Variants in TTYH2 observed in about 807,000 individuals in gnomAD.
TTYH2 encodes the protein tweety family member 2, also known as protein tweety homolog 2.
Under a neutral mutation model 68.3 loss-of-function variants are expected in TTYH2, and 49 were observed. The observed-to-expected ratio is 0.72, with a 90% CI of 0.57 to 0.91. The LOEUF (loss-of-function observed/expected upper bound fraction) is 0.91. TTYH2 is among the 40% of genes least tolerant of loss of function. The pLI, the probability that TTYH2 is intolerant of heterozygous loss-of-function variation, is 0.00. For missense variants in TTYH2, 631 were observed against 700.4 expected (o/e 0.90, Z 1.12); for synonymous variants, 272 against 300.8 (o/e 0.90, Z 0.99).
At chr17:74,260,091 A>C (rs2143793139) in intron 13 of TTYH2, 38 bp from the exon 14 acceptor site, 1 of 1,589,344 alleles carries the variant, frequency 6.3e-7, no homozygotes, top group Non-Finnish European at 8.6e-7. Flanking sequence ...TGCTTGGCTG[A>C]CTCAGCTCTG....
rs1345718377 is a variant in TTYH2, at chr17:74,253,131, C to T, written c.1310C>T (p.Ala437Val). The T allele has an allele frequency of 6.2e-7, 1 of 1,613,836 alleles. No homozygotes were observed. Among genetic ancestry groups the T allele is most frequent in the Non-Finnish European group, 8.5e-7 (1 of 1,179,946 alleles). Reference sequence around the variant, plus strand: ...GATGATGACCCCTTTAACCCCCAAGCCTGGCGCATGGCGGCTCACAGTCCC... The same window carrying T: ...GATGATGACCCCTTTAACCCCCAAGTCTGGCGCATGGCGGCTCACAGTCCC... Reference protein sequence around the residue: ...IDDDDPFNPQAWRMAAHSPPR... With the variant: ...IDDDDPFNPQVWRMAAHSPPR... Residue 437 changes from alanine to valine, a missense_variant, in exon 12 of 14, where the codon GCC (alanine) becomes GTC (valine). Coordinates refer to ENST00000269346, the MANE Select transcript of TTYH2 (RefSeq NM_032646.6).
At chr17:74,248,678 G>T in intron 6 of TTYH2, 1 of 1,204,288 alleles carries the variant, frequency 8.3e-7, no homozygotes. Context: ...CCAAAGGTCT[G>T]TCCCAGAAGA....
chr17:74,227,659 A>G (rs897235709), intron 2 of TTYH2, among the ~76,000 whole-genome samples: 6 of 152,142 alleles, frequency 3.9e-5, no homozygotes, highest in African/African-American at 1.4e-4. Context: ...GTTGAACCCA[A>G]TGAATATTGA....
In TTYH2 at chr17:74,215,917, G is replaced by C. The variant is rs114545936; in HGVS notation, c.129+2201G>C. Among the ~76,000 whole-genome samples the C allele has an allele frequency of 0.02, 3,097 of 152,314 alleles. 111 individuals are homozygous for C. Among genetic ancestry groups the C allele is most frequent in the African/African-American group, 0.07 (2,910 of 41,550 alleles). ...AAATTGCTGGGGATTTTCTGCGGCTGGGCTCTGGGCGCAGTGCTATGGCAG... is the reference window on the plus strand; with the variant it reads ...AAATTGCTGGGGATTTTCTGCGGCTCGGCTCTGGGCGCAGTGCTATGGCAG... On this transcript the variant is annotated intron_variant, in intron 1 of 13. Coordinates refer to ENST00000269346, the MANE Select transcript of TTYH2 (RefSeq NM_032646.6). This position sits in a 1 kb window ranked among gnomAD's most constrained non-coding sequence, Gnocchi z 4.3.
rs2050282343 is a variant in TTYH2, at chr17:74,222,218, C to T, written c.130-267C>T. On this transcript the variant is annotated intron_variant, in intron 1 of 13. Transcript: ENST00000269346. The surrounding 1 kb of genome is among the most constrained non-coding windows in gnomAD (Gnocchi z 5.2). ...TTCATCCAGGGTCTGAACCAGAAACCGGAGACCAGCTCTGGCACCCCTCCC... is the reference window on the plus strand; with the variant it reads ...TTCATCCAGGGTCTGAACCAGAAACTGGAGACCAGCTCTGGCACCCCTCCC... 1.3e-5 allele frequency among the ~76,000 whole-genome samples: 2 copies of T among 152,310 alleles called. No homozygotes were observed. The highest frequency in any genetic ancestry group is 2.1e-4 in the South Asian group (1 of 4,832).
rs200825737 is a variant in TTYH2 at position 74,253,271 on chromosome 17, G to A, written c.1445+5G>A. 2.1e-5 allele frequency: 33 copies of A among 1,584,636 alleles called. No homozygotes were observed. The highest frequency in any genetic ancestry group is 7.3e-5 in the Admixed American group (4 of 55,030). On this transcript the variant is annotated splice_donor_5th_base_variant and intron_variant, in intron 12 of 13. Transcript: ENST00000269346. ...CGCCCCTGTCTCCGAGTACATGTAC[G>A]GCCTGCACACACACCCAGGCTGGGT...
In TTYH2 at chr17:74,230,999, G is replaced by A; in HGVS notation, c.414G>A (p.Leu138=). ...ANHTFSGIDA[L]VSGTTQKMKV... ...ACACCTTCTCTGGGATCGATGCTCT[G>A]GTAAGGCTCCCGGGCAGCTGGCCGG... The change falls in exon 3 of 14, where the codon CTG becomes CTA. Residue 138 remains leucine, a splice_region_variant and synonymous_variant. Coordinates refer to ENST00000269346, the MANE Select transcript of TTYH2 (RefSeq NM_032646.6). The A allele has an allele frequency of 6.2e-7, 1 of 1,613,692 alleles. No homozygotes were observed. Among genetic ancestry groups the A allele is most frequent in the Non-Finnish European group, 8.5e-7 (1 of 1,179,838 alleles).
In TTYH2 at chr17:74,261,890, T is replaced by C. The variant is rs1482667379; in HGVS notation, c.*1681T>C. 3 of 152,540 alleles carry C rather than the reference T, an allele frequency of 2.0e-5. No individual in the cohort carries two copies. The highest frequency in any genetic ancestry group is 2.0e-4 in the Admixed American group (3 of 15,282). 9.4% of individuals were successfully genotyped at this position (152,540 alleles called of 1,614,324 possible). A position where few individuals can be genotyped will look rare whatever the true frequency, so the allele number is the denominator to read the frequency against. ...TTCTTAAAGTTTCATTATTGGCAAC[T>C]AGAGGGTTGTTTTTAATGCATGGAA... On this transcript the variant is annotated 3_prime_UTR_variant, in exon 14 of 14. Coordinates refer to ENST00000269346, the MANE Select transcript of TTYH2 (RefSeq NM_032646.6).
intron 6 of TTYH2, among the ~76,000 whole-genome samples, chr17:74,246,863 G>A (rs1265674068): frequency 1.3e-5 from 2 of 152,062 alleles, no homozygotes; most frequent in Non-Finnish European, 2.9e-5. Flanking sequence ...GAGAGAGGAC[G>A]TATGCAGGGA....
intron 10 of TTYH2, 71 bp downstream of exon 10, chr17:74,250,428 C>A: frequency 1.5e-6 from 2 of 1,305,322 alleles, no homozygotes; most frequent in Non-Finnish European, 2.2e-6. Flanking sequence ...CAGAGAAAAG[C>A]CGGTAGAGGC....
At chr17:74,245,751 G>A (rs2050551158) in intron 6 of TTYH2, among the ~76,000 whole-genome samples, 1 of 152,226 alleles carries the variant, frequency 6.6e-6, no homozygotes, top group Non-Finnish European at 1.5e-5. Flanking sequence ...GTGAGGAGGA[G>A]CCAGGAGGGC....
intron 8 of TTYH2, 121 bp downstream of exon 8, chr17:74,249,520 C>T: frequency 1.9e-6 from 2 of 1,059,074 alleles, no homozygotes; most frequent in South Asian, 2.7e-5. Context: ...GTGGTCCTCT[C>T]CTTAGCTGCT....
intron 3 of TTYH2, among the ~76,000 whole-genome samples, chr17:74,234,039 G>C (rs2050417091): frequency 6.6e-6 from 1 of 152,150 alleles, no homozygotes; most frequent in Non-Finnish European, 1.5e-5. Context: ...TTCCAGATAA[G>C]CTCACTGAGC....
chr17:74,245,252 G>A (rs1398016972), intron 6 of TTYH2, among the ~76,000 whole-genome samples: 2 of 152,252 alleles, frequency 1.3e-5, no homozygotes, highest in Non-Finnish European at 2.9e-5. Context: ...ACGGACCAAG[G>A]AATGGTCGAG....
intron 1 of TTYH2, among the ~76,000 whole-genome samples, chr17:74,220,040 C>T (rs1171123966): frequency 6.6e-6 from 1 of 150,460 alleles, no homozygotes; most frequent in African/African-American, 2.5e-5. Flanking sequence ...GGGATCTCAG[C>T]ATGTTGCCTA....
At chr17:74,230,056 A>G (rs1188360112) in intron 2 of TTYH2, among the ~76,000 whole-genome samples, 1 of 152,130 alleles carries the variant, frequency 6.6e-6, no homozygotes, top group Admixed American at 6.5e-5. Context: ...ACTTAAACCC[A>G]GGAGTCGGGG....
chr17:74,219,432 T>C (rs1385465282), intron 1 of TTYH2, among the ~76,000 whole-genome samples: 1 of 148,408 alleles, frequency 6.7e-6, no homozygotes, highest in Non-Finnish European at 1.5e-5. Context: ...AGTGCAGTCT[T>C]AAGTGTGCAG....
Position 74,215,042 on chromosome 17 carries a change from C to G in TTYH2, c.129+1326C>G, listed in dbSNP as rs2050208212. 6.6e-6 allele frequency among the ~76,000 whole-genome samples: 1 copy of G among 152,046 alleles called. No homozygotes were observed. The highest frequency in any genetic ancestry group is 6.5e-5 in the Admixed American group (1 of 15,280). ...AAGACGGCAGTCGGTGGACCCACCC[C>G]CCTCCCCCAGAGCCCAGCCTGTGGG... On this transcript the variant is annotated intron_variant, in intron 1 of 13. Transcript: ENST00000269346. The surrounding 1 kb of genome is among the most constrained non-coding windows in gnomAD (Gnocchi z 4.3).
Position 74,213,858 on chromosome 17 carries a change from C to T in TTYH2, c.129+142C>T. 8.9e-7 allele frequency: 1 copy of T among 1,121,778 alleles called. No homozygotes were observed. The highest frequency in any genetic ancestry group is 2.8e-4 in the Middle Eastern group (1 of 3,586). 69.5% of individuals were successfully genotyped at this position (1,121,778 alleles called of 1,614,324 possible). ...GCAGCCCTTTCCCGTCTCCCCTCTC[C>T]CCTTTTCCCCCACCCTCCCAGGCCC... On this transcript the variant is annotated intron_variant, in intron 1 of 13. Coordinates refer to ENST00000269346, the MANE Select transcript of TTYH2 (RefSeq NM_032646.6). This position sits in a 1 kb window ranked among gnomAD's most constrained non-coding sequence, Gnocchi z 6.1.
Sources: allele counts gnomAD v4.1 joint callset (sites outside exome capture counted in the v4.1 genomes callset), GRCh38; gene constraint gnomAD v4.1.1; non-coding constraint Gnocchi (gnomAD v3.1); transcripts MANE v1.5; gene names NCBI Gene and HGNC (gene_info 2026-07-23, HGNC 2026-07-21).